ATRNL1: variants seen among roughly 807,000 people sequenced by gnomAD.
The protein encoded by ATRNL1 is attractin like 1, also known as attractin-like protein 1.
Under a neutral mutation model 182.7 loss-of-function variants are expected in ATRNL1, and 95 were observed. The ratio of observed to expected loss-of-function variants is 0.52; its 90% confidence interval spans 0.44 to 0.62. The LOEUF (loss-of-function observed/expected upper bound fraction) is 0.62. Ranked by LOEUF, ATRNL1 falls within the 20% of genes least tolerant of loss-of-function variation. The pLI is 0.00. For missense variants in ATRNL1, 1,471 were observed against 1,679.5 expected (o/e 0.88, Z 2.17); for synonymous variants, 576 against 568.3 (o/e 1.01, Z -0.19).
rs576133495 is a variant in ATRNL1 at position 115,866,838 on chromosome 10, C to T, written c.4018+18847C>T. On this transcript the variant is annotated intron_variant, in intron 28 of 28. Coordinates refer to ENST00000355044, the MANE Select transcript of ATRNL1 (RefSeq NM_207303.4). The stretch of plus-strand genomic sequence containing the variant: ...ATGATTTTTATCTTTTGTCCCAGAG[C>T]ACTTCAGATTCAAACCCAAGGCTTC... Among the ~76,000 whole-genome samples the T allele has an allele frequency of 6.6e-5, 10 of 152,242 alleles. No individual in the cohort carries two copies. In the South Asian group the frequency reaches 2.1e-3, roughly 32 times the overall value.
intron 26 of ATRNL1, among the ~76,000 whole-genome samples, chr10:115,678,281 C>G (rs1945931744): frequency 6.6e-6 from 1 of 151,976 alleles, no homozygotes; most frequent in South Asian, 2.1e-4. Flanking sequence ...TGTACATGTG[C>G]AAAAATTAAG....
intron 8 of ATRNL1, among the ~76,000 whole-genome samples, chr10:115,197,209 G>T (rs1169829044): frequency 1.3e-5 from 2 of 151,592 alleles, no homozygotes; most frequent in Non-Finnish European, 2.9e-5. Context: ...AACTGCAATT[G>T]CATTCTTGGA....
chr10:115,590,777 A>C (rs1446901849), intron 26 of ATRNL1, among the ~76,000 whole-genome samples: 1 of 152,138 alleles, frequency 6.6e-6, no homozygotes, highest in Non-Finnish European at 1.5e-5. Flanking sequence ...CATAATAAAC[A>C]CTTCCATTGC....
At chr10:115,876,256 A>AT (rs150886387) in intron 28 of ATRNL1, among the ~76,000 whole-genome samples, 25,282 of 152,082 alleles carry the variant, frequency 0.17, 2,387 homozygotes, top group Non-Finnish European at 0.21. Flanking sequence ...CTCAGCTTTA[A>AT]TTTTTCATTC....
At chr10:115,110,983 G>A (rs1386805623) in intron 1 of ATRNL1, among the ~76,000 whole-genome samples, 1 of 152,172 alleles carries the variant, frequency 6.6e-6, no homozygotes, top group African/African-American at 2.4e-5. Flanking sequence ...TGGCATTTTA[G>A]ATATCTGATT....
intron 26 of ATRNL1, among the ~76,000 whole-genome samples, chr10:115,620,373 C>T (rs1449895768): frequency 2.0e-5 from 3 of 152,136 alleles, no homozygotes; most frequent in Non-Finnish European, 4.4e-5. Context: ...TCACATTTCA[C>T]CATGAGAATT....
intron 26 of ATRNL1, among the ~76,000 whole-genome samples, chr10:115,669,745 G>T (rs1158876598): frequency 6.6e-6 from 1 of 152,058 alleles, no homozygotes; most frequent in African/African-American, 2.4e-5. Flanking sequence ...TTCTAGTAGG[G>T]AGATTTTGAT....
chr10:115,573,465 G>T (rs1490896592), intron 26 of ATRNL1, among the ~76,000 whole-genome samples: 1 of 151,926 alleles, frequency 6.6e-6, no homozygotes, highest in Non-Finnish European at 1.5e-5. Flanking sequence ...ATGGCTGGGG[G>T]TAGGATAGGG....
intron 26 of ATRNL1, among the ~76,000 whole-genome samples, chr10:115,683,573 A>G (rs1465101050): frequency 8.6e-6 from 1 of 116,226 alleles, no homozygotes; most frequent in South Asian, 2.9e-4. Flanking sequence ...TTGCATGCCT[A>G]ATATATTTAA....
chr10:115,621,290 G>T (rs1315788888), intron 26 of ATRNL1, among the ~76,000 whole-genome samples: 90 of 119,968 alleles, frequency 7.5e-4, no homozygotes, highest in Admixed American at 3.4e-3. Flanking sequence ...GAGAGAGAGA[G>T]AGAGAGAGAG....
chr10:115,640,261 A>T (rs1859154564), intron 26 of ATRNL1, among the ~76,000 whole-genome samples: 1 of 152,140 alleles, frequency 6.6e-6, no homozygotes, highest in South Asian at 2.1e-4. Flanking sequence ...TTTATAGTAG[A>T]ATGATTTATA....
chr10:115,829,823 G>A (rs139857331), intron 27 of ATRNL1, among the ~76,000 whole-genome samples: 66 of 152,170 alleles, frequency 4.3e-4, no homozygotes, highest in African/African-American at 1.3e-3. Flanking sequence ...CTGACTGCCC[G>A]GAGAAGAGTT....
intron 24 of ATRNL1, among the ~76,000 whole-genome samples, chr10:115,504,537 T>C (rs191283811): frequency 1.3e-3 from 196 of 152,186 alleles, no homozygotes; most frequent in African/African-American, 4.4e-3. Context: ...AAGATTATTT[T>C]CTCTTGGGCT....
intron 26 of ATRNL1, among the ~76,000 whole-genome samples, chr10:115,607,036 A>C (rs1043613701): frequency 4.6e-5 from 7 of 151,994 alleles, no homozygotes; most frequent in Non-Finnish European, 8.8e-5. Context: ...GATATTTCTC[A>C]ATGACTTTTT....
At chr10:115,546,800 C>T (rs1852682981) in intron 25 of ATRNL1, among the ~76,000 whole-genome samples, 1 of 152,160 alleles carries the variant, frequency 6.6e-6, no homozygotes, top group East Asian at 1.9e-4. Flanking sequence ...TGCCAGATAT[C>T]GCCTGGAGAA....
intron 26 of ATRNL1, among the ~76,000 whole-genome samples, chr10:115,714,037 A>G (rs1947170832): frequency 6.6e-6 from 1 of 152,252 alleles, no homozygotes; most frequent in Non-Finnish European, 1.5e-5. Flanking sequence ...AAAGCTTAGA[A>G]ATAGTTGCAT....
intron 26 of ATRNL1, among the ~76,000 whole-genome samples, chr10:115,556,857 A>G (rs1853343646): frequency 6.6e-6 from 1 of 150,628 alleles, no homozygotes; most frequent in Non-Finnish European, 1.5e-5. Flanking sequence ...TCACCTGTGG[A>G]TCTTTAAAAT....
At chr10:115,828,928 A>G (rs1312968028) in intron 27 of ATRNL1, among the ~76,000 whole-genome samples, 2 of 152,130 alleles carry the variant, frequency 1.3e-5, no homozygotes, top group African/African-American at 4.8e-5. Flanking sequence ...CCAAATTCCC[A>G]ATGTCATTAG....
At chr10:115,590,802 A>G (rs534094495) in intron 26 of ATRNL1, among the ~76,000 whole-genome samples, 2 of 152,330 alleles carry the variant, frequency 1.3e-5, no homozygotes, top group African/African-American at 4.8e-5. Context: ...AGAAAGATGG[A>G]CACATATAGT....
Sources: allele counts gnomAD v4.1 joint callset (sites outside exome capture counted in the v4.1 genomes callset), GRCh38; gene constraint gnomAD v4.1.1; transcripts MANE v1.5; gene names NCBI Gene and HGNC (gene_info 2026-07-23, HGNC 2026-07-21).